Variants in CSMD3 observed in about 807,000 individuals in gnomAD.
CSMD3 encodes the protein CUB and Sushi multiple domains 3.
In CSMD3, 177 loss-of-function variants were observed where a neutral mutation model predicts 435.2. The ratio of observed to expected loss-of-function variants is 0.41; its 90% CI spans 0.36 to 0.46. The LOEUF (loss-of-function observed/expected upper bound fraction) is 0.46. Among genes scored for constraint, CSMD3 ranks in the 20% least tolerant of loss-of-function variants. CSMD3 has a pLI of 0.34. For synonymous variants in CSMD3, 1,656 were observed against 1,520.5 expected, an observed-to-expected ratio of 1.09 and a Z score of -2.07; for missense variants, 4,265 against 4,504.6, an observed-to-expected ratio of 0.95 and a Z score of 1.52.
chr8:112,732,546 C>T (rs1006135176), intron 13 of CSMD3, among the ~76,000 whole-genome samples: 16 of 151,682 alleles, frequency 1.1e-4, no homozygotes, highest in African/African-American at 2.9e-4. Context: ...ACCTGGCCAA[C>T]GTGGCGAAAC....
chr8:113,138,630 A>C (rs546989191), intron 4 of CSMD3, among the ~76,000 whole-genome samples: 3 of 151,360 alleles, frequency 2.0e-5, no homozygotes, highest in Non-Finnish European at 4.4e-5. Context: ...GACCTGAAAG[A>C]ATATTGCAAA....
At chr8:113,216,002 TGAGGGGAGAAAATTG>T (rs2092900879) in intron 3 of CSMD3, among the ~76,000 whole-genome samples, 1 of 151,904 alleles carries the variant, frequency 6.6e-6, no homozygotes, top group East Asian at 1.9e-4. Flanking sequence ...TATACATGGT[TGAGGGGAGAAAATTG>T]CTTCCAAACT....
At chr8:112,503,630 A>C (rs1822205859) in intron 30 of CSMD3, among the ~76,000 whole-genome samples, 160 bp downstream of exon 30, 1 of 152,180 alleles carries the variant, frequency 6.6e-6, no homozygotes, top group Non-Finnish European at 1.5e-5. Flanking sequence ...TAATAAGAAA[A>C]TTCTACAGTG....
intron 5 of CSMD3, among the ~76,000 whole-genome samples, chr8:113,064,643 G>A (rs1163917943): frequency 6.6e-6 from 1 of 152,184 alleles, no homozygotes; most frequent in Non-Finnish European, 1.5e-5. Context: ...CCAGTGGTGA[G>A]CTATAGCCAA....
chr8:112,993,671 A>C (rs753181405), intron 6 of CSMD3, among the ~76,000 whole-genome samples: 2 of 151,852 alleles, frequency 1.3e-5, no homozygotes, highest in Non-Finnish European at 2.9e-5. Context: ...GAAAATATAC[A>C]AAAGTAAATT....
chr8:113,200,058 T>C (rs1168663487), intron 3 of CSMD3, among the ~76,000 whole-genome samples: 1 of 151,946 alleles, frequency 6.6e-6, no homozygotes, highest in Non-Finnish European at 1.5e-5. Context: ...AGATGCCTCA[T>C]GGGAATCTCA....
intron 3 of CSMD3, among the ~76,000 whole-genome samples, chr8:113,230,876 TAA>T: frequency 6.6e-6 from 1 of 151,650 alleles, no homozygotes; most frequent in East Asian, 1.9e-4. Flanking sequence ...TAATTTATAA[TAA>T]TACTAATTGT....
At chr8:113,403,223 G>A (rs896341125) in intron 1 of CSMD3, among the ~76,000 whole-genome samples, 3 of 151,266 alleles carry the variant, frequency 2.0e-5, no homozygotes, top group Non-Finnish European at 4.5e-5. Context: ...CAAATATGAT[G>A]AATAATTAAA....
chr8:112,966,659 CT>C (rs1461225914), intron 7 of CSMD3, among the ~76,000 whole-genome samples: 6 of 151,542 alleles, frequency 4.0e-5, no homozygotes, highest in African/African-American at 1.5e-4. Flanking sequence ...AAATTTAGAG[CT>C]AAAATTTGAC....
chr8:113,068,790 A>G (rs1053407587), intron 5 of CSMD3, among the ~76,000 whole-genome samples: 1 of 151,528 alleles, frequency 6.6e-6, no homozygotes, highest in Non-Finnish European at 1.5e-5. Context: ...ATTTGTGTTG[A>G]TGTTCTTGCT....
At chr8:112,292,010 T>A (rs1378136097) in intron 55 of CSMD3, among the ~76,000 whole-genome samples, 1 of 152,002 alleles carries the variant, frequency 6.6e-6, no homozygotes, top group East Asian at 1.9e-4. Context: ...TGCAGGAGAA[T>A]GATAATTAGG....
chr8:112,455,858 C>T (rs902439957), intron 32 of CSMD3, among the ~76,000 whole-genome samples: 1 of 151,248 alleles, frequency 6.6e-6, no homozygotes, highest in Non-Finnish European at 1.5e-5. Context: ...ATGATGCAAG[C>T]TGGGATTTAA....
At chr8:113,167,546 A>G (rs2092177143) in intron 4 of CSMD3, among the ~76,000 whole-genome samples, 1 of 152,204 alleles carries the variant, frequency 6.6e-6, no homozygotes, top group Non-Finnish European at 1.5e-5. Context: ...ACGTTATTTT[A>G]TAACACAAAT....
chr8:112,774,697 G>T (rs1362145557), intron 13 of CSMD3, among the ~76,000 whole-genome samples: 1 of 151,782 alleles, frequency 6.6e-6, no homozygotes, highest in Non-Finnish European at 1.5e-5. Flanking sequence ...AATTCATTTT[G>T]TCTTTTAAAG....
intron 13 of CSMD3, among the ~76,000 whole-genome samples, chr8:112,728,943 TTACATA>T (rs2077021776): frequency 6.6e-6 from 1 of 151,984 alleles, no homozygotes; most frequent in African/African-American, 2.4e-5. Context: ...AATTTAAGAG[TTACATA>T]TACATATATA....
rs116948125 is a variant in CSMD3, at chr8:113,300,359, A to G, written c.401+14212T>C. ...CACTCAAAGGAAAATTCTATAAAAA[A>G]TCATTCTATAAAAATGATACCTGCA... is the stretch of plus-strand genomic sequence containing the variant. On this transcript the variant is annotated intron_variant, in intron 2 of 70. Coordinates refer to ENST00000297405, the MANE Select transcript of CSMD3 (RefSeq NM_198123.2). Among the ~76,000 whole-genome samples the G allele has an allele frequency of 5.6e-3, 847 of 152,264 alleles. 3 individuals are homozygous for G. The highest frequency in any genetic ancestry group is 9.9e-3 in the Non-Finnish European group (674 of 68,018).
At chr8:112,816,932 C>T (rs13276278) in intron 12 of CSMD3, among the ~76,000 whole-genome samples, 44,267 of 151,640 alleles carry the variant, frequency 0.29, 6,728 homozygotes, top group Non-Finnish European at 0.32. Context: ...TAACATATTT[C>T]TGAGAATGAG....
Position 112,232,202 on chromosome 8 carries a change from A to G in CSMD3, c.10741-570T>C, listed in dbSNP as rs571849438. ...ATGATTCCATTCATATGAAAGTCAG[A>G]ACAGGGAAATCTATACAGACAGAAA... On this transcript the variant is annotated intron_variant, in intron 68 of 70. Coordinates refer to ENST00000297405, the MANE Select transcript of CSMD3 (RefSeq NM_198123.2). Among the ~76,000 whole-genome samples, 14 of 152,338 alleles carry G rather than the reference A, an allele frequency of 9.2e-5. 1 individual carries two copies. The South Asian group carries it at 2.9e-3, about 32-fold the overall frequency.
chr8:113,336,681 T>C (rs12674571), intron 1 of CSMD3, among the ~76,000 whole-genome samples: 15,034 of 151,984 alleles, frequency 0.099, 1,122 homozygotes, highest in African/African-American at 0.2. Context: ...GGGAGTCACA[T>C]TGTTGTAATT....
Sources: allele counts gnomAD v4.1 joint callset (sites outside exome capture counted in the v4.1 genomes callset), GRCh38; gene constraint gnomAD v4.1.1; transcripts MANE v1.5; gene names NCBI Gene and HGNC (gene_info 2026-07-23, HGNC 2026-07-21).